AGO3: variants seen among roughly 807,000 people sequenced by gnomAD.
AGO3 encodes argonaute RISC catalytic component 3.
Under a neutral mutation model 105.5 loss-of-function variants are expected in AGO3, and 16 were observed. The ratio of observed to expected loss-of-function variants is 0.15; its 90% CI spans 0.10 to 0.23. The LOEUF (loss-of-function observed/expected upper bound fraction) is 0.23, where lower values mean the gene tolerates loss of function less well. AGO3 is among the 10% of genes least tolerant of loss of function. The pLI, the probability that AGO3 is intolerant of heterozygous loss-of-function variation, is 1.00. For missense variants in AGO3, 534 were observed against 1,088.0 expected (o/e 0.49, Z 7.16); for synonymous variants, 340 against 367.3 (o/e 0.93, Z 0.85).
At chr1:35,955,572 C>T (rs1241647111) in intron 2 of AGO3, among the ~76,000 whole-genome samples, 3 of 150,912 alleles carry the variant, frequency 2.0e-5, no homozygotes, top group East Asian at 1.9e-4. Context: ...AATGAATGAA[C>T]GAGAGGTACA....
chr1:35,984,725 A>T (rs933661180), intron 5 of AGO3, among the ~76,000 whole-genome samples: 72 of 152,360 alleles, frequency 4.7e-4, no homozygotes, highest in African/African-American at 1.7e-3. Flanking sequence ...ACTTTTGGTC[A>T]TATTAAACAA....
intron 11 of AGO3, among the ~76,000 whole-genome samples, chr1:36,026,108 G>A (rs1426158691): frequency 6.6e-6 from 1 of 151,464 alleles, no homozygotes; most frequent in Non-Finnish European, 1.5e-5. Context: ...AATGCTGCCT[G>A]CCTCATCTGT....
At position 36,059,101 on chromosome 1, in the gene AGO3, T is replaced by G. The variant is rs897552394; in HGVS notation, c.*3356T>G. ...TTAATTTAAATCTATTTGGAAGGAC[T>G]TTTTTAAGAGGAAAAATATTTTTTC... On this transcript the variant is annotated 3_prime_UTR_variant, in exon 19 of 19. Coordinates refer to ENST00000373191, the MANE Select transcript of AGO3 (RefSeq NM_024852.4). The G allele has an allele frequency of 4.6e-5, 7 of 152,150 alleles. No individual in the cohort carries two copies. The highest frequency in any genetic ancestry group is 1.7e-4 in the African/African-American group (7 of 41,444). 9.4% of individuals were successfully genotyped at this position (152,150 alleles called of 1,614,324 possible).
In AGO3 at chr1:36,027,049, C is replaced by T. The variant is rs1391456460; in HGVS notation, c.1407-65C>T. The T allele has an allele frequency of 2.0e-6, 3 of 1,518,964 alleles. No homozygotes were observed. Among genetic ancestry groups the T allele is most frequent in the Non-Finnish European group, 2.7e-6 (3 of 1,124,136 alleles). The allele number at this position is 1,518,964 out of a possible 1,614,324, so 94.1% of individuals were successfully genotyped here. A position where few individuals can be genotyped will look rare whatever the true frequency, so the allele number is the denominator to read the frequency against. On this transcript the variant is annotated intron_variant, in intron 11 of 18. Coordinates refer to ENST00000373191, the MANE Select transcript of AGO3 (RefSeq NM_024852.4). The surrounding 1 kb of genome is among the most constrained non-coding windows in gnomAD (Gnocchi z 4.0). ...CCTTCCATTCCCTTCCCAAACTTCC[C>T]ATTACTACTTTGTAGGAATTCATGA...
intron 11 of AGO3, among the ~76,000 whole-genome samples, chr1:36,014,355 A>T (rs1167460625): frequency 6.6e-6 from 1 of 151,656 alleles, no homozygotes; most frequent in African/African-American, 2.4e-5. Flanking sequence ...ATGGGGTTTC[A>T]CCATGTTGGC....
intron 11 of AGO3, among the ~76,000 whole-genome samples, chr1:36,020,287 G>C (rs1641148704): frequency 1.3e-5 from 2 of 152,194 alleles, no homozygotes; most frequent in South Asian, 4.1e-4. Context: ...TAGGTAGTTT[G>C]ACCTGGACCA....
At chr1:36,002,561 A>G (rs1011385598) in intron 5 of AGO3, among the ~76,000 whole-genome samples, 3 of 151,816 alleles carry the variant, frequency 2.0e-5, no homozygotes, top group African/African-American at 7.3e-5. Flanking sequence ...TGAACTCCTG[A>G]GCTCAGGCAG....
At chr1:35,940,395 A>G (rs1233709166) in intron 1 of AGO3, among the ~76,000 whole-genome samples, 1 of 152,108 alleles carries the variant, frequency 6.6e-6, no homozygotes, top group Non-Finnish European at 1.5e-5. Flanking sequence ...CAAAATCCAA[A>G]TAAGTTCTAC....
rs1200418308 is a variant in AGO3, at chr1:36,066,926, A to G, written c.*11181A>G. On this transcript the variant is annotated 3_prime_UTR_variant, in exon 19 of 19. Coordinates refer to ENST00000373191, the MANE Select transcript of AGO3 (RefSeq NM_024852.4). ...CTATTGCTATTTGAACCTACAGAAG[A>G]GACCTAAGACGAGCGTCTCTGTAAT... The G allele has an allele frequency of 6.6e-6, 1 of 152,232 alleles. No individual in the cohort carries two copies. The highest frequency in any genetic ancestry group is 1.5e-5 in the Non-Finnish European group (1 of 68,038). The allele number at this position is 152,232 out of a possible 1,614,324, so 9.4% of individuals were successfully genotyped here. A position where few individuals can be genotyped will look rare whatever the true frequency, so the allele number is the denominator to read the frequency against.
At chr1:35,985,034 G>C (rs1292241778) in intron 5 of AGO3, among the ~76,000 whole-genome samples, 4 of 152,294 alleles carry the variant, frequency 2.6e-5, no homozygotes, top group South Asian at 4.1e-4. Flanking sequence ...GGGTATGCCA[G>C]TATTTCCAGC....
At chr1:36,013,507 T>A (rs1219771323) in intron 9 of AGO3, 123 bp from the exon 10 acceptor site, 1 of 1,292,072 alleles carries the variant, frequency 7.7e-7, no homozygotes, top group Non-Finnish European at 1.1e-6. Flanking sequence ...TAGAGCACCA[T>A]TGATTAGACC....
chr1:36,025,418 A>C (rs988715169), intron 11 of AGO3, among the ~76,000 whole-genome samples: 24 of 151,978 alleles, frequency 1.6e-4, no homozygotes, highest in African/African-American at 5.1e-4. Context: ...AAAAAAAAAA[A>C]AAAACAAAAC....
intron 5 of AGO3, among the ~76,000 whole-genome samples, chr1:35,995,209 A>ATATATATAT (rs1553164849): frequency 3.7e-4 from 43 of 114,716 alleles, no homozygotes; most frequent in African/African-American, 8.3e-4. Context: ...TAAAAAAAAA[A>ATATATATAT]ATATATATAT....
intron 11 of AGO3, among the ~76,000 whole-genome samples, chr1:36,019,898 A>G (rs908793972): frequency 6.6e-6 from 1 of 152,120 alleles, no homozygotes. Context: ...CCTCCCAAGT[A>G]GCTGGGATTG....
At chr1:36,002,860 A>C (rs1640154844) in intron 5 of AGO3, among the ~76,000 whole-genome samples, 1 of 152,184 alleles carries the variant, frequency 6.6e-6, no homozygotes, top group Non-Finnish European at 1.5e-5. Flanking sequence ...CTGGGATTAC[A>C]GGCATGAGCC....
intron 2 of AGO3, among the ~76,000 whole-genome samples, chr1:35,948,794 G>A (rs892483486): frequency 5.3e-5 from 8 of 151,904 alleles, no homozygotes; most frequent in Non-Finnish European, 8.8e-5. Context: ...TACATCTTTA[G>A]GTTGCTTTAT....
At chr1:35,964,119 A>G (rs753847700) in intron 2 of AGO3, among the ~76,000 whole-genome samples, 6 of 152,156 alleles carry the variant, frequency 3.9e-5, no homozygotes, top group Non-Finnish European at 8.8e-5. Context: ...GCTTTGATAT[A>G]TAAGTATACA....
chr1:36,040,712 TA>T (rs1259278738), intron 16 of AGO3, among the ~76,000 whole-genome samples: 1 of 152,184 alleles, frequency 6.6e-6, no homozygotes, highest in Non-Finnish European at 1.5e-5. Context: ...CATATTTTCC[TA>T]AAATCTTCAG....
intron 1 of AGO3, among the ~76,000 whole-genome samples, chr1:35,944,015 TATTC>T (rs943513073): frequency 3.0e-4 from 46 of 152,360 alleles, no homozygotes; most frequent in African/African-American, 1.1e-3. Context: ...ACATTTTGTT[TATTC>T]ATTCATCTAT....
Sources: gnomAD v4.1 joint callset for allele counts (sites outside exome capture counted in the v4.1 genomes callset) on GRCh38, gnomAD v4.1.1 for gene constraint, Gnocchi (gnomAD v3.1) non-coding constraint, MANE v1.5 for transcripts, NCBI Gene and HGNC (gene_info 2026-07-23, HGNC 2026-07-21) for gene names.